RFX1: variants seen among roughly 807,000 people sequenced by gnomAD.
RFX1 encodes regulatory factor X1.
In RFX1, 42 loss-of-function variants were observed where a neutral mutation model predicts 119.6. The ratio of observed to expected loss-of-function variants is 0.35; its 90% confidence interval spans 0.27 to 0.45. RFX1 has a LOEUF of 0.45. Among genes scored for constraint, RFX1 ranks in the 20% least tolerant of loss-of-function variants. RFX1 has a pLI of 1.00. For missense variants in RFX1, 1,118 were observed against 1,368.1 expected, an observed-to-expected ratio of 0.82 and a Z score of 2.88; for synonymous variants, 628 against 618.5, an observed-to-expected ratio of 1.02 and a Z score of -0.23.
Position 13,962,405 on chromosome 19 carries a change from G to T in RFX1, c.*290C>A. 2.1e-6 allele frequency: 1 copy of T among 472,414 alleles called. No individual in the cohort carries two copies. Among genetic ancestry groups the T allele is most frequent in the Non-Finnish European group, 3.8e-6 (1 of 266,218 alleles). 29.3% of individuals were successfully genotyped at this position (472,414 alleles called of 1,614,324 possible). A position where few individuals can be genotyped will look rare whatever the true frequency, so the allele number is the denominator to read the frequency against. On this transcript the variant is annotated 3_prime_UTR_variant, in exon 21 of 21. Coordinates refer to ENST00000254325, the MANE Select transcript of RFX1 (RefSeq NM_002918.5). ...GACGGGGCTGGGGAGAAGACGCTGG[G>T]GCCTGGGAGGGGGGCGGCCAAGGGG...
chr19:13,975,157 A>G (rs1974216618), intron 8 of RFX1, among the ~76,000 whole-genome samples: 1 of 151,930 alleles, frequency 6.6e-6, no homozygotes, highest in Non-Finnish European at 1.5e-5. Flanking sequence ...GGAGTTCAAG[A>G]CCAGCCTGGC....
At chr19:13,998,136 T>G (rs1975097574) in intron 1 of RFX1, 1 of 152,210 alleles carries the variant, frequency 6.6e-6, no homozygotes, top group African/African-American at 2.4e-5. Context: ...GGGCCTCAGT[T>G]GCCTGTCACC....
chr19:13,972,195 AACAT>A (rs1013682321), intron 9 of RFX1, among the ~76,000 whole-genome samples: 1 of 147,084 alleles, frequency 6.8e-6, no homozygotes, highest in African/African-American at 2.7e-5. Context: ...AAAAGTAGAC[AACAT>A]TTTTTTTTTT....
rs1180984980 is a variant in RFX1 at position 13,968,432 on chromosome 19, C to T, written c.1732+133G>A. The T allele has an allele frequency of 9.9e-6, 7 of 705,484 alleles. No homozygotes were observed. Among genetic ancestry groups the T allele is most frequent in the African/African-American group, 5.2e-5 (3 of 57,600 alleles). 43.7% of individuals were successfully genotyped at this position (705,484 alleles called of 1,614,324 possible). ...GGAGACTGTGATGTCTCCCCCACCC[C>T]CTGCTGGTTCTCGGGCATCTCTCAC... is the stretch of plus-strand genomic sequence containing the variant. On this transcript the variant is annotated intron_variant, in intron 12 of 20. Transcript: ENST00000254325. This position sits in a 1 kb window ranked among gnomAD's most constrained non-coding sequence, Gnocchi z 5.5.
Position 13,961,538 on chromosome 19 carries a change from T to C in RFX1, c.*1157A>G. On this transcript the variant is annotated 3_prime_UTR_variant, in exon 21 of 21. Coordinates refer to ENST00000254325, the MANE Select transcript of RFX1 (RefSeq NM_002918.5). ...GCCCGGCGAGTCAGCAGTAGGCAAATATCACAGCGGAATTTATTGTTTTAA... is the reference window on the plus strand; with the variant it reads ...GCCCGGCGAGTCAGCAGTAGGCAAACATCACAGCGGAATTTATTGTTTTAA... The C allele has an allele frequency of 6.2e-6, 1 of 162,478 alleles. No homozygotes were observed. The highest frequency in any genetic ancestry group is 1.6e-4 in the South Asian group (1 of 6,076). 10.1% of individuals were successfully genotyped at this position (162,478 alleles called of 1,614,324 possible).
chr19:13,970,044 C>T lies in RFX1; in HGVS notation c.1446G>A (p.Lys482=), dbSNP rs1974027670. 6.2e-7 allele frequency: 1 copy of T among 1,613,938 alleles called. No individual in the cohort carries two copies. The highest frequency in any genetic ancestry group is 1.3e-5 in the African/African-American group (1 of 74,934). ...LEPVNAASFG[K]LIRSVFMGLR... is the part of the protein sequence containing the mutation. ...GGCCCATGAAGACGGAGCGGATGAG[C>T]TTGCCGAAGGAGGCGGCGTTGACGG... Residue 482 remains lysine, a synonymous_variant, in exon 10 of 21, where the codon AAG becomes AAA. Transcript: ENST00000254325.
chr19:13,980,980 C>T lies in RFX1; in HGVS notation c.622-291G>A, dbSNP rs1490253283. Among the ~76,000 whole-genome samples, 1 of 152,204 alleles carries T rather than the reference C, an allele frequency of 6.6e-6. No individual in the cohort carries two copies. The highest frequency in any genetic ancestry group is 1.5e-5 in the Non-Finnish European group (1 of 68,042). On this transcript the variant is annotated intron_variant, in intron 5 of 20. Coordinates refer to ENST00000254325, the MANE Select transcript of RFX1 (RefSeq NM_002918.5). This position sits in a 1 kb window ranked among gnomAD's most constrained non-coding sequence, Gnocchi z 5.1. The stretch of plus-strand genomic sequence containing the variant: ...CCCCTGAAGCTCTCCTGGGGCTGAC[C>T]CTCAAAGGTTATAGCAATGACGACA...
At position 13,989,822 on chromosome 19, in the gene RFX1, G is replaced by A. The variant is rs149390618; in HGVS notation, c.319+3703C>T. 2.0e-4 allele frequency among the ~76,000 whole-genome samples: 30 copies of A among 151,194 alleles called. No individual in the cohort carries two copies. In the East Asian group the frequency reaches 5.2e-3, roughly 26 times the overall value. On this transcript the variant is annotated intron_variant, in intron 2 of 20. Coordinates refer to ENST00000254325, the MANE Select transcript of RFX1 (RefSeq NM_002918.5). ...CTGGGAGGGGTCAGACTGTGAGGGC[G>A]GAGGCTCGACCAGGATTGGGGTCAT... is the stretch of plus-strand genomic sequence containing the variant.
At position 13,966,107 on chromosome 19, in the gene RFX1, CA is replaced by C. The variant is rs1022426348; in HGVS notation, c.1961+313del. On this transcript the variant is annotated intron_variant, in intron 14 of 20. Transcript: ENST00000254325. This position sits in a 1 kb window ranked among gnomAD's most constrained non-coding sequence, Gnocchi z 6.3. ...GTACCCCCTGCCTCCCAAAGATCCC[CA>C]GGGTCTGGTTGGCACAGGCCCGAGG... Among the ~76,000 whole-genome samples, 2 of 152,146 alleles carry C rather than the reference CA, an allele frequency of 1.3e-5. No homozygotes were observed. The highest frequency in any genetic ancestry group is 4.8e-5 in the African/African-American group (2 of 41,434).
intron 1 of RFX1, among the ~76,000 whole-genome samples, chr19:13,994,443 C>T (rs865856734): frequency 1.3e-5 from 2 of 152,236 alleles, no homozygotes; most frequent in South Asian, 4.1e-4. Context: ...AGGCCGGGCA[C>T]AGTGGCTCAT....
Position 13,969,730 on chromosome 19 carries a change from G to A in RFX1, c.1496+264C>T. The stretch of plus-strand genomic sequence containing the variant: ...GAAAAATAAAGCAGGGTTGGGGGGT[G>A]TCGGGCAGGGGAGAGGGGGAGGCTG... On this transcript the variant is annotated intron_variant, in intron 10 of 20. Transcript: ENST00000254325. This position sits in a 1 kb window ranked among gnomAD's most constrained non-coding sequence, Gnocchi z 4.5. 2.4e-6 allele frequency: 1 copy of A among 424,532 alleles called. No individual in the cohort carries two copies. 26.3% of individuals were successfully genotyped at this position (424,532 alleles called of 1,614,324 possible). A position where few individuals can be genotyped will look rare whatever the true frequency, so the allele number is the denominator to read the frequency against.
Position 13,986,117 on chromosome 19 carries a change from C to T in RFX1, c.320-2522G>A, listed in dbSNP as rs114169012. Among the ~76,000 whole-genome samples the T allele has an allele frequency of 1.1e-3, 174 of 152,300 alleles. No homozygotes were observed. The highest frequency in any genetic ancestry group is 4.0e-3 in the African/African-American group (166 of 41,560). ...CCCTCCTGGGAGAAACCCGAGACAG[C>T]CCCGAGTCATGTGACCGGCACTGCA... On this transcript the variant is annotated intron_variant, in intron 2 of 20. Coordinates refer to ENST00000254325, the MANE Select transcript of RFX1 (RefSeq NM_002918.5). This position sits in a 1 kb window ranked among gnomAD's most constrained non-coding sequence, Gnocchi z 4.2.
chr19:13,973,185 G>A, intron 8 of RFX1, 58 bp from the exon 9 acceptor site: 1 of 1,332,938 alleles, frequency 7.5e-7, no homozygotes, highest in Non-Finnish European at 1.0e-6. Flanking sequence ...GGGGCCGAGG[G>A]GCATGACTGT....
Position 13,968,516 on chromosome 19 carries a change from CG to C in RFX1, c.1732+48del. On this transcript the variant is annotated intron_variant, in intron 12 of 20. Transcript: ENST00000254325. This position sits in a 1 kb window ranked among gnomAD's most constrained non-coding sequence, Gnocchi z 5.5. ...CATCCAGCTTTGGGAACCGTCTGCA[CG>C]GGGCAGGGAGGCGGTGGTTGGGGAA... 1 of 1,466,938 alleles carries C rather than the reference CG, an allele frequency of 6.8e-7. No individual in the cohort carries two copies. The highest frequency in any genetic ancestry group is 9.5e-7 in the Non-Finnish European group (1 of 1,047,626). The allele number at this position is 1,466,938 out of a possible 1,614,324, so 90.9% of individuals were successfully genotyped here. A position where few individuals can be genotyped will look rare whatever the true frequency, so the allele number is the denominator to read the frequency against.
chr19:13,971,105 G>A lies in RFX1; in HGVS notation c.1315-930C>T, dbSNP rs550379882. On this transcript the variant is annotated intron_variant, in intron 9 of 20. Coordinates refer to ENST00000254325, the MANE Select transcript of RFX1 (RefSeq NM_002918.5). ...TCCCAACACTTTGGGAGGCCGAGGC[G>A]GGCGGATCACCTGAAGTCAGAAGTT... Among the ~76,000 whole-genome samples the A allele has an allele frequency of 7.9e-5, 12 of 152,068 alleles. No homozygotes were observed. In the East Asian group the frequency reaches 1.2e-3, roughly 15 times the overall value.
rs79159894 is a variant in RFX1 at position 13,977,014 on chromosome 19, A to G, written c.929+978T>C. 3.0e-3 allele frequency among the ~76,000 whole-genome samples: 452 copies of G among 151,922 alleles called. 5 individuals are homozygous for G. Among genetic ancestry groups the G allele is most frequent in the African/African-American group, 0.01 (425 of 41,418 alleles). ...CTGTCTCAAAAAAAACAGAAAAAAAAAGTCCAGTGCGGTGGCTCATGCCTG... is the reference window on the plus strand; with the variant it reads ...CTGTCTCAAAAAAAACAGAAAAAAAGAGTCCAGTGCGGTGGCTCATGCCTG... On this transcript the variant is annotated intron_variant, in intron 8 of 20. Coordinates refer to ENST00000254325, the MANE Select transcript of RFX1 (RefSeq NM_002918.5).
chr19:13,970,199 A>T, intron 9 of RFX1, 24 bp from the exon 10 acceptor site: 1 of 1,572,216 alleles, frequency 6.4e-7, no homozygotes, highest in Non-Finnish European at 8.7e-7. Context: ...GAGATGGGAG[A>T]GCACCAGTCA....
intron 1 of RFX1, among the ~76,000 whole-genome samples, chr19:14,004,483 G>A (rs980634936): frequency 2.0e-5 from 3 of 152,056 alleles, no homozygotes; most frequent in African/African-American, 7.2e-5. Flanking sequence ...ACTCCAGCCT[G>A]GCCACAGAGT....
chr19:13,967,428 C>T (rs1568459625), intron 12 of RFX1, among the ~76,000 whole-genome samples: 2 of 151,940 alleles, frequency 1.3e-5, no homozygotes, highest in South Asian at 2.1e-4. Flanking sequence ...CCTCCCACCT[C>T]GGCCTCCCAA....
Sources: gnomAD v4.1 joint callset for allele counts (sites outside exome capture counted in the v4.1 genomes callset) on GRCh38, gnomAD v4.1.1 for gene constraint, Gnocchi (gnomAD v3.1) non-coding constraint, MANE v1.5 for transcripts, NCBI Gene and HGNC (gene_info 2026-07-23, HGNC 2026-07-21) for gene names.